ANK1: variants seen among roughly 807,000 people sequenced by gnomAD.
The protein encoded by ANK1 is ankyrin-1.
A neutral mutation model predicts 210.4 loss-of-function variants in ANK1; 51 were observed. The ratio of observed to expected loss-of-function variants is 0.24; its 90% CI spans 0.19 to 0.31. The LOEUF (loss-of-function observed/expected upper bound fraction) is 0.31. Ranked by LOEUF, ANK1 falls within the 10% of genes least tolerant of loss-of-function variation. ANK1 has a pLI of 1.00. For missense variants in ANK1, 2,051 were observed against 2,504.4 expected, an observed-to-expected ratio of 0.82 and a Z score of 3.86; for synonymous variants, 967 against 1,025.9, an observed-to-expected ratio of 0.94 and a Z score of 1.10.
intron 1 of ANK1, among the ~76,000 whole-genome samples, chr8:41,866,056 A>G (rs1814376938): frequency 6.6e-6 from 1 of 152,246 alleles, no homozygotes; most frequent in African/African-American, 2.4e-5. Flanking sequence ...GGAACTATGC[A>G]CATACCCTTC....
intron 1 of ANK1, among the ~76,000 whole-genome samples, chr8:41,844,542 G>T (rs961970278): frequency 6.6e-6 from 1 of 152,080 alleles, no homozygotes; most frequent in African/African-American, 2.4e-5. Flanking sequence ...CTGCCACAGG[G>T]GGGCGGGCAG....
At position 41,708,990 on chromosome 8, in the gene ANK1, G is replaced by C. The variant is rs1210846027; in HGVS notation, c.1801-15C>G. 1 of 1,613,352 alleles carries C rather than the reference G, an allele frequency of 6.2e-7. No individual in the cohort carries two copies. Among genetic ancestry groups the C allele is most frequent in the Non-Finnish European group, 8.5e-7 (1 of 1,180,014 alleles). ...GTGTAGCCATTCTGAAACAGAAGAA[G>C]CCGCCCAGAGCCTGGTTACAGGAAT... is the stretch of plus-strand genomic sequence containing the variant. On this transcript the variant is annotated splice_polypyrimidine_tract_variant and intron_variant, in intron 16 of 42. Transcript: ENST00000289734.
chr8:41,719,254 C>G (rs1828579200), intron 10 of ANK1, among the ~76,000 whole-genome samples: 1 of 152,198 alleles, frequency 6.6e-6, no homozygotes, highest in Non-Finnish European at 1.5e-5. Flanking sequence ...ACGAAGGATG[C>G]TCAGCTCTGG....
chr8:41,663,642 G>A lies in ANK1; in HGVS notation c.5478+17C>T. On this transcript the variant is annotated intron_variant, in intron 40 of 42. Transcript: ENST00000289734. ...ACCTGCCTCTCCCCAGCACAGAGGGGAACACTCTGCACCCACCTTCTTGGT... is the reference window on the plus strand; with the variant it reads ...ACCTGCCTCTCCCCAGCACAGAGGGAAACACTCTGCACCCACCTTCTTGGT... 6.2e-7 allele frequency: 1 copy of A among 1,611,428 alleles called. No individual in the cohort carries two copies. The highest frequency in any genetic ancestry group is 1.1e-5 in the South Asian group (1 of 91,010).
chr8:41,688,633 C>T (rs971794186), intron 33 of ANK1, 44 bp from the exon 34 acceptor site: 20 of 1,565,400 alleles, frequency 1.3e-5, no homozygotes, highest in Non-Finnish European at 1.7e-5. Flanking sequence ...ACTCTCCCCA[C>T]CTTCCCAGAG....
intron 1 of ANK1, among the ~76,000 whole-genome samples, chr8:41,892,695 C>T (rs1231288422): frequency 6.6e-6 from 1 of 152,112 alleles, no homozygotes; most frequent in Non-Finnish European, 1.5e-5. Flanking sequence ...TTCCAGATGC[C>T]CCCAAAAGAC....
chr8:41,867,395 A>G (rs904129742), intron 1 of ANK1, among the ~76,000 whole-genome samples: 3 of 152,192 alleles, frequency 2.0e-5, no homozygotes, highest in Non-Finnish European at 4.4e-5. Context: ...GTGCCTGGTT[A>G]ATACCAAAAT....
chr8:41,714,366 C>A (rs1418060687), intron 15 of ANK1, 112 bp from the exon 16 acceptor site: 3 of 814,004 alleles, frequency 3.7e-6, no homozygotes, highest in Admixed American at 6.3e-5. Flanking sequence ...TGTTTAAAAT[C>A]TTTCCCAGGC....
chr8:41,723,514 A>C, intron 8 of ANK1, 21 bp downstream of exon 8: 1 of 1,613,390 alleles, frequency 6.2e-7, no homozygotes, highest in Non-Finnish European at 8.5e-7. Context: ...CTGCCTGGCT[A>C]CAGCACCTGC....
chr8:41,725,145 G>GT (rs1830350576), intron 6 of ANK1, among the ~76,000 whole-genome samples: 1 of 152,192 alleles, frequency 6.6e-6, no homozygotes, highest in South Asian at 2.1e-4. Flanking sequence ...TTCTGTTCCA[G>GT]AGCCTGAAGG....
At chr8:41,773,816 C>T (rs1843459369) in intron 1 of ANK1, among the ~76,000 whole-genome samples, 1 of 152,140 alleles carries the variant, frequency 6.6e-6, no homozygotes, top group Admixed American at 6.5e-5. Context: ...CCACGGTGCC[C>T]AGCTCCCCAG....
At chr8:41,745,302 C>T (rs899812915) in intron 2 of ANK1, among the ~76,000 whole-genome samples, 2 of 152,100 alleles carry the variant, frequency 1.3e-5, no homozygotes, top group African/African-American at 4.8e-5. Flanking sequence ...GATTGGCAGG[C>T]ACGTGGGATG....
intron 1 of ANK1, among the ~76,000 whole-genome samples, chr8:41,850,549 T>C (rs570959762): frequency 3.9e-5 from 6 of 152,334 alleles, no homozygotes; most frequent in East Asian, 1.9e-4. Context: ...GGTGCAATCA[T>C]AGCTCACTGC....
intron 39 of ANK1, 163 bp from the exon 40 acceptor site, chr8:41,663,905 T>TC (rs902948245): frequency 1.4e-6 from 1 of 696,474 alleles, no homozygotes; most frequent in African/African-American, 1.8e-5. Context: ...ATGCCAGGGC[T>TC]CCCAGGGCGT....
intron 1 of ANK1, among the ~76,000 whole-genome samples, chr8:41,825,974 G>A (rs529510556): frequency 1.3e-4 from 20 of 152,018 alleles, no homozygotes; most frequent in African/African-American, 1.4e-4. Flanking sequence ...ACCCAGTCTC[G>A]GGTATGTCTT....
At chr8:41,890,429 G>A (rs987276727) in intron 1 of ANK1, among the ~76,000 whole-genome samples, 3 of 152,200 alleles carry the variant, frequency 2.0e-5, no homozygotes, top group African/African-American at 7.2e-5. Flanking sequence ...CTGGCTGGGT[G>A]GGGGCACAAT....
chr8:41,824,622 G>C (rs1805039792), intron 1 of ANK1, among the ~76,000 whole-genome samples: 1 of 152,188 alleles, frequency 6.6e-6, no homozygotes, highest in South Asian at 2.1e-4. Context: ...TCTGCATAAA[G>C]ATGGGTCACG....
intron 38 of ANK1, among the ~76,000 whole-genome samples, chr8:41,669,517 A>AC (rs1482160755): frequency 6.6e-6 from 1 of 152,010 alleles, no homozygotes; most frequent in African/African-American, 2.4e-5. Flanking sequence ...TTGGATCTCT[A>AC]CTTGGCATCT....
At chr8:41,781,065 G>A (rs555811014) in intron 1 of ANK1, among the ~76,000 whole-genome samples, 36 of 152,310 alleles carry the variant, frequency 2.4e-4, no homozygotes, top group African/African-American at 7.9e-4. Flanking sequence ...AAAGAGAAAC[G>A]TCTCTGCCTG....
Sources: allele counts gnomAD v4.1 joint callset (sites outside exome capture counted in the v4.1 genomes callset), GRCh38; gene constraint gnomAD v4.1.1; transcripts MANE v1.5; gene names NCBI Gene and HGNC (gene_info 2026-07-23, HGNC 2026-07-21).